UBAP1: variants seen among roughly 807,000 people sequenced by gnomAD.
UBAP1 encodes the protein ubiquitin-associated protein 1.
UBAP1 carries 5 observed loss-of-function variants against 39.0 expected under a neutral mutation model. The observed-to-expected ratio is 0.13, with a 90% CI of 0.07 to 0.27. UBAP1 has a LOEUF of 0.27. Among genes scored for constraint, UBAP1 ranks in the 10% least tolerant of loss-of-function variants. The probability of loss-of-function intolerance (pLI) is 1.00; values close to 1 mark genes in which losing one functional copy is unlikely to be tolerated. For missense variants in UBAP1, 490 were observed against 608.1 expected (o/e 0.81, Z 2.04); for synonymous variants, 211 against 225.1 (o/e 0.94, Z 0.56).
chr9:34,180,092 T>G (rs1431222430), intron 1 of UBAP1, among the ~76,000 whole-genome samples: 1 of 152,226 alleles, frequency 6.6e-6, no homozygotes, highest in Non-Finnish European at 1.5e-5. Context: ...GTTATTAGCA[T>G]TTGAGAATTT....
intron 1 of UBAP1, among the ~76,000 whole-genome samples, chr9:34,193,993 C>T (rs1430608553): frequency 2.0e-5 from 3 of 152,104 alleles, no homozygotes; most frequent in African/African-American, 7.2e-5. Flanking sequence ...CTGAGACCTG[C>T]CCCTGAGACC....
chr9:34,190,157 A>C (rs947667800), intron 1 of UBAP1, among the ~76,000 whole-genome samples: 1 of 152,258 alleles, frequency 6.6e-6, no homozygotes, highest in Non-Finnish European at 1.5e-5. Flanking sequence ...ACAAACCTTC[A>C]CATGTACCCC....
At chr9:34,250,033 A>G (rs1587893208) in intron 5 of UBAP1, 72 bp downstream of exon 5, 3 of 1,526,988 alleles carry the variant, frequency 2.0e-6, no homozygotes, top group East Asian at 2.3e-5. Flanking sequence ...CCTGTCCTAG[A>G]GCCCCTCAGA....
intron 1 of UBAP1, among the ~76,000 whole-genome samples, chr9:34,204,177 AT>A (rs1402763006): frequency 6.6e-6 from 1 of 152,144 alleles, no homozygotes; most frequent in African/African-American, 2.4e-5. Context: ...AAATACAAAA[AT>A]TAGCTGGGTG....
Position 34,196,069 on chromosome 9 carries a change from C to A in UBAP1, c.-8+16829C>A, listed in dbSNP as rs965525736. 2.9e-4 allele frequency among the ~76,000 whole-genome samples: 43 copies of A among 149,000 alleles called. 1 individual carries two copies. Among genetic ancestry groups the A allele is most frequent in the African/African-American group, 8.9e-4 (36 of 40,656 alleles). On this transcript the variant is annotated intron_variant, in intron 1 of 6. Coordinates refer to ENST00000297661, the MANE Select transcript of UBAP1 (RefSeq NM_016525.5). ...TAGCTGCAACTACACAAACACGCTA[C>A]CATGTCTGGCTCCATATGATTTTTA...
At chr9:34,240,667 C>G (rs1833910070) in intron 3 of UBAP1, among the ~76,000 whole-genome samples, 1 of 152,160 alleles carries the variant, frequency 6.6e-6, no homozygotes, top group African/African-American at 2.4e-5. Context: ...TCATCATAAT[C>G]TAATAGATAG....
Position 34,197,950 on chromosome 9 carries a change from A to G in UBAP1, c.-8+18710A>G, listed in dbSNP as rs188100984. 7.1e-3 allele frequency among the ~76,000 whole-genome samples: 1,075 copies of G among 152,342 alleles called. 8 individuals carry two copies. The highest frequency in any genetic ancestry group is 0.048 in the Middle Eastern group (14 of 294). ...TTTACCAATTCATTTCTGTGAGGAA[A>G]GACCTTCACCAGTCAGCCTAACCTG... On this transcript the variant is annotated intron_variant, in intron 1 of 6. Transcript: ENST00000297661.
chr9:34,182,875 T>C (rs1290065321), intron 1 of UBAP1, among the ~76,000 whole-genome samples: 1 of 151,930 alleles, frequency 6.6e-6, no homozygotes, highest in African/African-American at 2.4e-5. Flanking sequence ...CACGCCTGGC[T>C]AATTTTTTGT....
chr9:34,236,033 T>A (rs1833684583), intron 3 of UBAP1, among the ~76,000 whole-genome samples: 1 of 152,032 alleles, frequency 6.6e-6, no homozygotes, highest in African/African-American at 2.4e-5. Context: ...GCTAATTTTG[T>A]ATTTTTAGTG....
chr9:34,202,624 C>CCTGTGTGTGTGTGTGTGTGT (rs1491103579), intron 1 of UBAP1, among the ~76,000 whole-genome samples: 1,930 of 107,178 alleles, frequency 0.018, 315 homozygotes, highest in East Asian at 0.038. Flanking sequence ...TAGACAGAAA[C>CCTGTGTGTGTGTGTGTGTGT]GTGTGTGTGT....
chr9:34,229,083 T>C (rs1833268647), intron 2 of UBAP1, among the ~76,000 whole-genome samples: 1 of 152,114 alleles, frequency 6.6e-6, no homozygotes, highest in Non-Finnish European at 1.5e-5. Context: ...ATACCTGCAA[T>C]TGGTGCTAGT....
intron 1 of UBAP1, among the ~76,000 whole-genome samples, chr9:34,212,776 A>G (rs1400320014): frequency 1.3e-5 from 2 of 152,204 alleles, no homozygotes; most frequent in African/African-American, 4.8e-5. Flanking sequence ...TCTACCAGAC[A>G]TTCAAAGAAG....
intron 1 of UBAP1, among the ~76,000 whole-genome samples, chr9:34,180,482 T>A (rs1409793881): frequency 1.3e-5 from 2 of 149,878 alleles, no homozygotes; most frequent in East Asian, 3.9e-4. Flanking sequence ...CACTCCAGCC[T>A]GGGCAACAGA....
chr9:34,188,364 T>G (rs1032970145), intron 1 of UBAP1, among the ~76,000 whole-genome samples: 4 of 151,458 alleles, frequency 2.6e-5, no homozygotes, highest in African/African-American at 9.7e-5. Flanking sequence ...TCAGATTTGA[T>G]GGGTAAATAG....
intron 1 of UBAP1, among the ~76,000 whole-genome samples, chr9:34,190,081 A>G (rs1830629734): frequency 6.6e-6 from 1 of 152,238 alleles, no homozygotes; most frequent in Non-Finnish European, 1.5e-5. Flanking sequence ...AATGGATACC[A>G]GGCTTAATAC....
intron 1 of UBAP1, among the ~76,000 whole-genome samples, chr9:34,189,909 T>C (rs1284955181): frequency 6.6e-6 from 1 of 152,190 alleles, no homozygotes; most frequent in African/African-American, 2.4e-5. Flanking sequence ...GTGCTGGGAT[T>C]ACAGGTGTGA....
chr9:34,202,613 G>C (rs1831439891), intron 1 of UBAP1, among the ~76,000 whole-genome samples: 1 of 144,536 alleles, frequency 6.9e-6, no homozygotes. Context: ...GCCAGAAGCT[G>C]TAGACAGAAA....
intron 1 of UBAP1, among the ~76,000 whole-genome samples, chr9:34,197,733 A>G (rs1164608702): frequency 6.6e-6 from 1 of 152,012 alleles, no homozygotes; most frequent in Non-Finnish European, 1.5e-5. Flanking sequence ...TAGTTTTAGT[A>G]GAGATGGGGT....
chr9:34,191,294 G>T (rs1364108252), intron 1 of UBAP1, among the ~76,000 whole-genome samples: 1 of 152,080 alleles, frequency 6.6e-6, no homozygotes, highest in Non-Finnish European at 1.5e-5. Flanking sequence ...TAGAGATGGG[G>T]TCTTGCTATG....
Sources: allele counts gnomAD v4.1 joint callset (sites outside exome capture counted in the v4.1 genomes callset), GRCh38; gene constraint gnomAD v4.1.1; transcripts MANE v1.5; gene names NCBI Gene and HGNC (gene_info 2026-07-23, HGNC 2026-07-21).